The following SRGAP2C variants were observed in gnomAD, a reference collection of about 807,000 sequenced individuals.
The protein encoded by SRGAP2C is SLIT-ROBO Rho GTPase-activating protein 2C.
SRGAP2C carries 15 observed loss-of-function variants against 25.1 expected under a neutral mutation model. The observed-to-expected ratio is 0.60, with a 90% confidence interval of 0.40 to 0.92. The LOEUF is 0.92. Ranked by LOEUF, SRGAP2C falls within the 40% of genes least tolerant of loss-of-function variation. The pLI, the probability that SRGAP2C is intolerant of heterozygous loss-of-function variation, is 0.00. For missense variants in SRGAP2C, 144 were observed against 264.4 expected, an observed-to-expected ratio of 0.54 and a Z score of 3.16; for synonymous variants, 44 against 96.6, an observed-to-expected ratio of 0.46 and a Z score of 3.19.
chr1:121,312,629 T>G (rs1657992417), intron 3 of SRGAP2C, among the ~76,000 whole-genome samples: 1 of 124,160 alleles, frequency 8.1e-6, no homozygotes. Context: ...GTTGTGTGTT[T>G]TTTCTCGTTG....
rs1660130751 is a variant in SRGAP2C, at chr1:121,392,630, CT to C, written c.*4780del. On this transcript the variant is annotated 3_prime_UTR_variant, in exon 10 of 10. Coordinates refer to ENST00000367123, the MANE Select transcript of SRGAP2C (RefSeq NM_001329984.2). The stretch of plus-strand genomic sequence containing the variant: ...GGATGTTTTATAACAAATTGTGTAG[CT>C]TTTTCCAATGGAATGTTTATTCTGA... 1 of 123,682 alleles carries C rather than the reference CT, an allele frequency of 8.1e-6. No homozygotes were observed. Among genetic ancestry groups the C allele is most frequent in the Non-Finnish European group, 1.7e-5 (1 of 60,110 alleles). The allele number at this position is 123,682 out of a possible 1,614,324, so 7.7% of individuals were successfully genotyped here.
At chr1:121,308,713 C>T (rs1657907831) in intron 3 of SRGAP2C, among the ~76,000 whole-genome samples, 1 of 150,992 alleles carries the variant, frequency 6.6e-6, no homozygotes, top group Admixed American at 6.6e-5. Flanking sequence ...CCAATGTGGA[C>T]AGATCACCTG....
intron 2 of SRGAP2C, among the ~76,000 whole-genome samples, chr1:121,222,285 C>A (rs1160096611): frequency 6.6e-6 from 1 of 152,034 alleles, no homozygotes; most frequent in Non-Finnish European, 1.5e-5. Context: ...CTGAACCTGA[C>A]CTTTGCACTT....
At chr1:121,366,248 CT>C (rs752181860) in intron 5 of SRGAP2C, among the ~76,000 whole-genome samples, 308 of 149,464 alleles carry the variant, frequency 2.1e-3, no homozygotes, top group Middle Eastern at 3.4e-3. Context: ...CTGATGTTTA[CT>C]TGCTTATTTG....
chr1:121,359,532 C>A (rs1429466059), intron 4 of SRGAP2C, among the ~76,000 whole-genome samples: 3 of 152,152 alleles, frequency 2.0e-5, no homozygotes, highest in Admixed American at 6.6e-5. Context: ...ACTTGGGAAG[C>A]TGAGGCAGGA....
intron 2 of SRGAP2C, among the ~76,000 whole-genome samples, chr1:121,264,171 C>A (rs1466742220): frequency 1.3e-5 from 2 of 150,576 alleles, no homozygotes; most frequent in African/African-American, 4.9e-5. Context: ...TTCTTGCTAG[C>A]CTTTGGATCA....
chr1:121,230,861 A>G (rs1553327432), intron 2 of SRGAP2C, among the ~76,000 whole-genome samples: 1 of 152,038 alleles, frequency 6.6e-6, no homozygotes, highest in African/African-American at 2.4e-5. Context: ...AGCCATAAAA[A>G]AGAATGAGTT....
At chr1:121,327,808 AGAG>A (rs1658347591) in intron 4 of SRGAP2C, among the ~76,000 whole-genome samples, 2 of 152,054 alleles carry the variant, frequency 1.3e-5, no homozygotes, top group East Asian at 3.9e-4. Flanking sequence ...TTGTGCTATC[AGAG>A]GAGATGCCTT....
At chr1:121,234,959 C>T (rs1460629225) in intron 2 of SRGAP2C, among the ~76,000 whole-genome samples, 6 of 151,788 alleles carry the variant, frequency 4.0e-5, no homozygotes, top group South Asian at 2.1e-4. Flanking sequence ...CTTTTCTTTT[C>T]TTCTTTTCTT....
intron 2 of SRGAP2C, among the ~76,000 whole-genome samples, chr1:121,264,631 TC>T (rs1252593005): frequency 4.6e-5 from 7 of 151,068 alleles, no homozygotes; most frequent in African/African-American, 1.7e-4. Flanking sequence ...GGAGTACTTT[TC>T]CTGCCTTCTT....
At chr1:121,323,909 T>C (rs1658265027) in intron 3 of SRGAP2C, among the ~76,000 whole-genome samples, 1 of 151,970 alleles carries the variant, frequency 6.6e-6, no homozygotes, top group African/African-American at 2.4e-5. Flanking sequence ...GATTTTTGTG[T>C]CTAGACAAAA....
At chr1:121,195,265 T>C (rs1654801801) in intron 2 of SRGAP2C, among the ~76,000 whole-genome samples, 2 of 151,980 alleles carry the variant, frequency 1.3e-5, no homozygotes, top group African/African-American at 4.8e-5. Flanking sequence ...CAAAAATTAG[T>C]TGGGCGTGGT....
intron 2 of SRGAP2C, among the ~76,000 whole-genome samples, chr1:121,211,094 G>T (rs1415709783): frequency 6.7e-6 from 1 of 148,900 alleles, no homozygotes; most frequent in Non-Finnish European, 1.5e-5. Context: ...CAGGATACAG[G>T]ATAGTGAAGG....
chr1:121,228,196 G>C (rs587679752), intron 2 of SRGAP2C, among the ~76,000 whole-genome samples: 6 of 100,366 alleles, frequency 6.0e-5, no homozygotes, highest in Non-Finnish European at 1.2e-4. Flanking sequence ...CTGGGACAAA[G>C]GACCGGGTCT....
Position 121,335,459 on chromosome 1 carries a change from GA to G in SRGAP2C, c.423+10820del, listed in dbSNP as rs1336015996. ...CATCCAATGAATTTTTTTTATTTCA[GA>G]TTTTTTTTTTTTTTTTTTTGAGATG... On this transcript the variant is annotated intron_variant, in intron 4 of 9. Coordinates refer to ENST00000367123, the MANE Select transcript of SRGAP2C (RefSeq NM_001329984.2). 1.8e-4 allele frequency among the ~76,000 whole-genome samples: 21 copies of G among 114,380 alleles called. No individual in the cohort carries two copies. In the East Asian group the frequency reaches 1.9e-3, roughly 10 times the overall value. 75.0% of individuals were successfully genotyped at this position (114,380 alleles called of 152,430 possible). A position where few individuals can be genotyped will look rare whatever the true frequency, so the allele number is the denominator to read the frequency against.
intron 2 of SRGAP2C, among the ~76,000 whole-genome samples, chr1:121,274,836 CTGTT>C (rs1191850138): frequency 3.4e-5 from 4 of 117,586 alleles, no homozygotes; most frequent in African/African-American, 1.0e-4. Flanking sequence ...GTGTTTGTAT[CTGTT>C]CTGCTCATCA....
chr1:121,308,126 C>A (rs1320496641), intron 3 of SRGAP2C, among the ~76,000 whole-genome samples: 1 of 138,950 alleles, frequency 7.2e-6, no homozygotes, highest in African/African-American at 2.7e-5. Flanking sequence ...TCTTTCAGCA[C>A]CAGCCCTTTG....
chr1:121,295,724 C>T (rs1307414129), intron 3 of SRGAP2C, among the ~76,000 whole-genome samples: 1 of 150,468 alleles, frequency 6.6e-6, no homozygotes, highest in Non-Finnish European at 1.5e-5. Flanking sequence ...TAGAGAGGGG[C>T]TTTTTTGTTT....
chr1:121,316,917 A>T (rs1479882224), intron 3 of SRGAP2C, among the ~76,000 whole-genome samples: 1 of 151,186 alleles, frequency 6.6e-6, no homozygotes, highest in Non-Finnish European at 1.5e-5. Flanking sequence ...ATTCCTCCCT[A>T]TAGTTCTGGG....
Sources: gnomAD v4.1 joint callset for allele counts (sites outside exome capture counted in the v4.1 genomes callset) on GRCh38, gnomAD v4.1.1 for gene constraint, MANE v1.5 for transcripts, NCBI Gene and HGNC (gene_info 2026-07-23, HGNC 2026-07-21) for gene names.